NTNG1: variants seen among roughly 807,000 people sequenced by gnomAD.
NTNG1 encodes netrin-G1.
A neutral mutation model predicts 54.0 loss-of-function variants in NTNG1; 16 were observed. The observed-to-expected ratio is 0.30, with a 90% confidence interval of 0.20 to 0.45. The LOEUF is 0.45. NTNG1 is among the 20% of genes least tolerant of loss of function. NTNG1 has a pLI of 1.00. For missense variants in NTNG1, 530 were observed against 678.7 expected (o/e 0.78, Z 2.43); for synonymous variants, 255 against 263.1 (o/e 0.97, Z 0.30).
At chr1:107,160,914 A>C (rs1231896666) in intron 2 of NTNG1, among the ~76,000 whole-genome samples, 1 of 152,038 alleles carries the variant, frequency 6.6e-6, no homozygotes, top group Non-Finnish European at 1.5e-5. Context: ...GCATCCTCTG[A>C]ATTTTTTATG....
intron 6 of NTNG1, among the ~76,000 whole-genome samples, chr1:107,433,490 G>A (rs1675403651): frequency 6.6e-6 from 1 of 152,220 alleles, no homozygotes; most frequent in Non-Finnish European, 1.5e-5. Flanking sequence ...AGGTTGCAGT[G>A]AGCTGAGAGA....
At chr1:107,471,443 C>T (rs979848090) in intron 7 of NTNG1, among the ~76,000 whole-genome samples, 2 of 152,122 alleles carry the variant, frequency 1.3e-5, no homozygotes, top group Non-Finnish European at 2.9e-5. Flanking sequence ...CTCCCCTGGC[C>T]CCCTACACCA....
intron 3 of NTNG1, among the ~76,000 whole-genome samples, chr1:107,368,027 G>A (rs1021130343): frequency 8.5e-5 from 13 of 152,066 alleles, no homozygotes; most frequent in African/African-American, 3.1e-4. Context: ...CAAAGTGCTG[G>A]GATTACAGTC....
At chr1:107,152,127 A>G (rs761326365) in intron 2 of NTNG1, among the ~76,000 whole-genome samples, 18 of 152,022 alleles carry the variant, frequency 1.2e-4, no homozygotes, top group Non-Finnish European at 7.4e-5. Context: ...TGAAAACCAT[A>G]TATTTTCTTT....
At chr1:107,372,009 G>C (rs1670947016) in intron 3 of NTNG1, among the ~76,000 whole-genome samples, 1 of 151,978 alleles carries the variant, frequency 6.6e-6, no homozygotes, top group South Asian at 2.1e-4. Flanking sequence ...GATTTGAGGT[G>C]CTCAACTTGT....
intron 2 of NTNG1, among the ~76,000 whole-genome samples, chr1:107,151,231 C>T (rs1357739457): frequency 6.6e-6 from 1 of 152,100 alleles, no homozygotes; most frequent in African/African-American, 2.4e-5. Context: ...ATGGTAATGG[C>T]CTAATACAGC....
rs545649621 is a variant in NTNG1, at chr1:107,142,840, G to A, written c.-526+1700G>A. Among the ~76,000 whole-genome samples, 313 of 151,904 alleles carry A rather than the reference G, an allele frequency of 2.1e-3. 2 individuals carry two copies. Among genetic ancestry groups the A allele is most frequent in the African/African-American group, 7.3e-3 (303 of 41,414 alleles). On this transcript the variant is annotated intron_variant, in intron 1 of 7. Coordinates refer to ENST00000370068, the MANE Select transcript of NTNG1 (RefSeq NM_001113226.3). ...AGGAGGATCTCTAGTGAGGGAATTA[G>A]CAATTCCACATTTCATTAAGTATTT...
intron 2 of NTNG1, among the ~76,000 whole-genome samples, chr1:107,317,188 C>T (rs1486517131): frequency 6.6e-6 from 1 of 152,174 alleles, no homozygotes; most frequent in South Asian, 2.1e-4. Flanking sequence ...GGAATCAGGA[C>T]TCAGAACATT....
At chr1:107,140,825 GT>G (rs1213982939), upstream of NTNG1, 3 of 152,340 alleles carry the variant, frequency 2.0e-5, no homozygotes, top group Non-Finnish European at 4.4e-5. Flanking sequence ...CTCAGTAAAA[GT>G]TTAAGGCGAG....
chr1:107,417,218 T>C (rs929926667), intron 5 of NTNG1, among the ~76,000 whole-genome samples: 17 of 152,126 alleles, frequency 1.1e-4, no homozygotes, highest in Admixed American at 1.0e-3. Flanking sequence ...TATTACATTC[T>C]TTCTTCATTC....
intron 3 of NTNG1, among the ~76,000 whole-genome samples, chr1:107,361,983 GACA>G (rs796211936): frequency 3.7e-4 from 56 of 152,230 alleles, no homozygotes; most frequent in African/African-American, 1.3e-3. Context: ...ATATGGCAGA[GACA>G]ACAACAGGGG....
intron 5 of NTNG1, among the ~76,000 whole-genome samples, chr1:107,427,654 C>G (rs1298954121): frequency 6.6e-6 from 1 of 152,020 alleles, no homozygotes; most frequent in East Asian, 1.9e-4. Flanking sequence ...ACAGCTTTAT[C>G]AAAGTCTCAG....
intron 2 of NTNG1, among the ~76,000 whole-genome samples, chr1:107,278,505 C>T (rs1223177100): frequency 1.3e-5 from 2 of 152,140 alleles, no homozygotes; most frequent in African/African-American, 4.8e-5. Flanking sequence ...AAAAATCAGA[C>T]TAAGTGCTTA....
rs1675620138 is a variant in NTNG1 at position 107,436,734 on chromosome 1, C to A, written c.1325C>A (p.Thr442Asn). 1 of 1,613,298 alleles carries A rather than the reference C, an allele frequency of 6.2e-7. No homozygotes were observed. The highest frequency in any genetic ancestry group is 2.2e-5 in the East Asian group (1 of 44,800). The change falls in exon 7 of 8, where the codon ACT (threonine) becomes AAT (asparagine). Residue 442 changes from threonine (T) to asparagine (N), a missense_variant. This residue lies in a region of NTNG1 where 212 missense variants were observed against 213.6 expected (regional missense o/e 0.99). Coordinates refer to ENST00000370068, the MANE Select transcript of NTNG1 (RefSeq NM_001113226.3). ...CNGSGFCECK[T>N]GTTGPKCDEC... is the part of the protein sequence containing the mutation. ...GGCTCAGGATTTTGTGAGTGTAAGA[C>A]TGGAACAACAGGGCCTAAGTGTGAT...
intron 1 of NTNG1, chr1:107,141,530 C>T (rs1275290173): frequency 6.6e-6 from 1 of 151,730 alleles, no homozygotes; most frequent in East Asian, 2.0e-4. Context: ...CCCCGGGTTT[C>T]CCCACCCCCC....
chr1:107,284,035 G>C (rs1250229508), intron 2 of NTNG1, among the ~76,000 whole-genome samples: 1 of 151,928 alleles, frequency 6.6e-6, no homozygotes. Context: ...CCCTTCTTTG[G>C]AGCATTCATT....
chr1:107,431,005 G>T (rs1557994152), intron 6 of NTNG1, 88 bp downstream of exon 6: 4 of 1,229,470 alleles, frequency 3.3e-6, no homozygotes, highest in East Asian at 2.4e-5. Context: ...GATTTGCACC[G>T]CGGTTGAGCC....
At chr1:107,418,464 C>T (rs1277366954) in intron 5 of NTNG1, 12 of 617,036 alleles carry the variant, frequency 1.9e-5, no homozygotes, top group Non-Finnish European at 3.0e-5. Context: ...AAGTGCATCA[C>T]AGCCAAGTTA....
At position 107,430,749 on chromosome 1, in the gene NTNG1, G is replaced by T; in HGVS notation, c.1088-1G>T. 1 of 1,613,112 alleles carries T rather than the reference G, an allele frequency of 6.2e-7. No individual in the cohort carries two copies. Among genetic ancestry groups the T allele is most frequent in the African/African-American group, 1.3e-5 (1 of 74,996 alleles). On this transcript the variant is annotated splice_acceptor_variant, in intron 5 of 7. Transcript: ENST00000370068. LOFTEE classifies it high-confidence loss of function. Reference sequence around the variant, plus strand: ...TATACATTTCTGTTCTTCCTTGCAAGATTGTGAATGCTTCGGCCACTCCAA... The same window carrying T: ...TATACATTTCTGTTCTTCCTTGCAATATTGTGAATGCTTCGGCCACTCCAA...
Sources: allele counts gnomAD v4.1 joint callset (sites outside exome capture counted in the v4.1 genomes callset), GRCh38; gene constraint gnomAD v4.1.1; regional missense constraint gnomAD v4.1.1; transcripts MANE v1.5; gene names NCBI Gene and HGNC (gene_info 2026-07-23, HGNC 2026-07-21).